ADCYAP1R1: variants seen among roughly 807,000 people sequenced by gnomAD.
The protein encoded by ADCYAP1R1 is ADCYAP receptor type I, also known as pituitary adenylate cyclase-activating polypeptide type I receptor.
In ADCYAP1R1, 44 loss-of-function variants were observed where a neutral mutation model predicts 67.6. That is an observed-to-expected ratio of 0.65 (90% CI 0.51 to 0.84). The LOEUF (loss-of-function observed/expected upper bound fraction) is 0.84, where lower values mean the gene tolerates loss of function less well. Among genes scored for constraint, ADCYAP1R1 ranks in the 40% least tolerant of loss-of-function variants. The pLI is 0.00. For synonymous variants in ADCYAP1R1, 222 were observed against 219.6 expected (o/e 1.01, Z -0.10); for missense variants, 477 against 587.9 (o/e 0.81, Z 1.95).
chr7:31,067,782 T>C (rs1042349243), intron 3 of ADCYAP1R1, among the ~76,000 whole-genome samples: 1 of 152,200 alleles, frequency 6.6e-6, no homozygotes, highest in Non-Finnish European at 1.5e-5. Context: ...ACCTACCACA[T>C]AGGATTATTG....
At chr7:31,076,414 G>GA (rs1480361043) in intron 3 of ADCYAP1R1, among the ~76,000 whole-genome samples, 3 of 152,196 alleles carry the variant, frequency 2.0e-5, no homozygotes, top group African/African-American at 7.2e-5. Context: ...GGGCTAGAAG[G>GA]AGAGGCAGGC....
chr7:31,063,060 A>T, intron 1 of ADCYAP1R1, 134 bp from the exon 2 acceptor site: 1 of 604,622 alleles, frequency 1.7e-6, no homozygotes, highest in Non-Finnish European at 2.9e-6. Flanking sequence ...AGACGGATGC[A>T]GGCAGGGAGG....
At chr7:31,082,147 G>T (rs1185928616) in intron 6 of ADCYAP1R1, among the ~76,000 whole-genome samples, 1 of 152,150 alleles carries the variant, frequency 6.6e-6, no homozygotes, top group Non-Finnish European at 1.5e-5. Flanking sequence ...TTCCGCCTGG[G>T]GTGGGGCCTG....
At chr7:31,068,215 G>GCGCACA (rs35207713) in intron 3 of ADCYAP1R1, among the ~76,000 whole-genome samples, 5,777 of 149,952 alleles carry the variant, frequency 0.039, 132 homozygotes, top group South Asian at 0.078. Context: ...ATGTGCGCGC[G>GCGCACA]CACACACACA....
intron 2 of ADCYAP1R1, among the ~76,000 whole-genome samples, chr7:31,063,999 C>T (rs1263505284): frequency 6.6e-6 from 1 of 152,230 alleles, no homozygotes. Flanking sequence ...ACCATCCCTG[C>T]CCTGGGGTTT....
chr7:31,060,329 CTGAG>C (rs1052006980), intron 1 of ADCYAP1R1, among the ~76,000 whole-genome samples: 3 of 152,360 alleles, frequency 2.0e-5, no homozygotes, highest in African/African-American at 4.8e-5. Context: ...AATGCCTTTG[CTGAG>C]TGAGTGTGTG....
At chr7:31,081,025 A>C (rs1263169338) in intron 5 of ADCYAP1R1, among the ~76,000 whole-genome samples, 6 of 152,252 alleles carry the variant, frequency 3.9e-5, no homozygotes, top group Admixed American at 3.9e-4. Context: ...CGGAATGCAC[A>C]GTGAGCAAGA....
chr7:31,064,938 T>C lies in ADCYAP1R1; in HGVS notation c.157+2T>C, dbSNP rs1467328928. The stretch of plus-strand genomic sequence containing the variant: ...TGGGCTTCAATGATTCCTCTCCAGG[T>C]GAGCGGGGCGGCAGGGAGCATGCCA... On this transcript the variant is annotated splice_donor_variant, in intron 3 of 15. Coordinates refer to ENST00000304166, the MANE Select transcript of ADCYAP1R1 (RefSeq NM_001118.5). LOFTEE classifies it high-confidence loss of function. The C allele has an allele frequency of 1.2e-6, 2 of 1,602,648 alleles. No homozygotes were observed. The highest frequency in any genetic ancestry group is 1.7e-6 in the Non-Finnish European group (2 of 1,173,430).
intron 1 of ADCYAP1R1, chr7:31,056,803 A>G (rs1034095162): frequency 1.3e-5 from 2 of 152,292 alleles, no homozygotes; most frequent in Admixed American, 6.5e-5. Context: ...GTCTGGTGGA[A>G]CAACCCTCCA....
At chr7:31,072,504 G>A (rs908057410) in intron 3 of ADCYAP1R1, among the ~76,000 whole-genome samples, 5 of 152,172 alleles carry the variant, frequency 3.3e-5, no homozygotes, top group Admixed American at 6.5e-5. Flanking sequence ...GACTCTGTCT[G>A]ACACAGGACT....
chr7:31,059,231 T>A (rs562649330), intron 1 of ADCYAP1R1, among the ~76,000 whole-genome samples: 1 of 152,312 alleles, frequency 6.6e-6, no homozygotes, highest in South Asian at 2.1e-4. Flanking sequence ...AGTTTCTTTG[T>A]ATAAATTTGC....
intron 13 of ADCYAP1R1, chr7:31,095,733 G>T (rs1301392227): frequency 1.4e-6 from 1 of 717,902 alleles, no homozygotes; most frequent in Non-Finnish European, 2.6e-6. Flanking sequence ...CCTCAGACCA[G>T]CATTCACTCC....
At chr7:31,076,606 C>T (rs1795231061) in intron 3 of ADCYAP1R1, among the ~76,000 whole-genome samples, 1 of 152,210 alleles carries the variant, frequency 6.6e-6, no homozygotes, top group Non-Finnish European at 1.5e-5. Flanking sequence ...GGGGCCTCTG[C>T]AGCAATCCCG....
chr7:31,080,478 A>G (rs1302902262), intron 4 of ADCYAP1R1, 135 bp from the exon 5 acceptor site: 11 of 863,206 alleles, frequency 1.3e-5, no homozygotes, highest in Non-Finnish European at 2.0e-5. Flanking sequence ...TGGGTCCCCC[A>G]GAGCCCCTCT....
intron 13 of ADCYAP1R1, among the ~76,000 whole-genome samples, chr7:31,094,311 A>G (rs1796096143): frequency 6.6e-6 from 1 of 152,046 alleles, no homozygotes; most frequent in Non-Finnish European, 1.5e-5. Context: ...TAGAGATAGC[A>G]TTCCTGCCTT....
chr7:31,068,205 A>ATG (rs1370033925), intron 3 of ADCYAP1R1, among the ~76,000 whole-genome samples: 2 of 143,546 alleles, frequency 1.4e-5, no homozygotes, highest in Non-Finnish European at 3.0e-5. Flanking sequence ...ACACGCACGC[A>ATG]TGTGCGCGCG....
intron 15 of ADCYAP1R1, among the ~76,000 whole-genome samples, chr7:31,105,258 G>T (rs1443880497): frequency 6.6e-6 from 1 of 152,226 alleles, no homozygotes; most frequent in Non-Finnish European, 1.5e-5. Context: ...TGACAATAAG[G>T]AAGGGTGGGG....
intron 13 of ADCYAP1R1, among the ~76,000 whole-genome samples, chr7:31,095,064 G>T (rs941219283): frequency 2.7e-4 from 41 of 152,158 alleles, no homozygotes; most frequent in Non-Finnish European, 5.6e-4. Flanking sequence ...AGGAGACCCT[G>T]TCGGCCAAAG....
At chr7:31,068,430 G>A (rs1398011391) in intron 3 of ADCYAP1R1, among the ~76,000 whole-genome samples, 2 of 152,162 alleles carry the variant, frequency 1.3e-5, no homozygotes, top group Non-Finnish European at 2.9e-5. Context: ...CCCCTGGGCT[G>A]CATTTGCTGC....
Sources: gnomAD v4.1 joint callset for allele counts (sites outside exome capture counted in the v4.1 genomes callset) on GRCh38, gnomAD v4.1.1 for gene constraint, MANE v1.5 for transcripts, NCBI Gene and HGNC (gene_info 2026-07-23, HGNC 2026-07-21) for gene names.